VMA12: variants seen among roughly 807,000 people sequenced by gnomAD.
VMA12 encodes vacuolar ATPase assembly factor VMA12, also known as vacuolar ATPase assembly protein VMA12.
chr17:28,360,992 G>T, the VMA12 span: 1 of 891,216 alleles, frequency 1.1e-6, no homozygotes, highest in Non-Finnish European at 1.8e-6. Context: ...CTTTCCAGCA[G>T]TCACGGGAGG....
At chr17:28,357,650 T>C in the VMA12 span, 638 of 1,610,092 alleles carry the variant, frequency 4.0e-4, 4 homozygotes, top group African/African-American at 7.6e-3. Flanking sequence ...TGGGGTCACC[T>C]GACCGGAGAG....
At chr17:28,359,295 A>G in the VMA12 span, 1 of 1,613,346 alleles carries the variant, frequency 6.2e-7, no homozygotes. Flanking sequence ...CATTCTTCTC[A>G]TTTGATTTTT....
At chr17:28,362,554 T>A in the VMA12 span, 1 of 152,132 alleles carries the variant, frequency 6.6e-6, no homozygotes, top group East Asian at 1.9e-4. Flanking sequence ...ATCCCAGCAC[T>A]TTGGGAGACC....
chr17:28,359,232 C>T, the VMA12 span: 1 of 1,441,942 alleles, frequency 6.9e-7, no homozygotes, highest in South Asian at 1.2e-5. Context: ...TTTAGCAGTG[C>T]TTTACCCCTG....
the VMA12 span, chr17:28,362,002 A>T: frequency 6.6e-6 from 1 of 152,276 alleles, no homozygotes; most frequent in Non-Finnish European, 1.5e-5. Context: ...TAGAGTCTGT[A>T]TAACGCATTG....
chr17:28,361,107 G>A, the VMA12 span: 3 of 1,571,658 alleles, frequency 1.9e-6, no homozygotes, highest in East Asian at 6.7e-5. Context: ...CTGGGGTACA[G>A]AGCTGGTTGT....
At chr17:28,360,415 C>T in the VMA12 span, 1 of 977,892 alleles carries the variant, frequency 1.0e-6, no homozygotes, top group Non-Finnish European at 1.6e-6. Context: ...ACAAAAGAAT[C>T]CATGGGGAGG....
the VMA12 span, chr17:28,359,735 T>A: frequency 5.7e-6 from 1 of 175,818 alleles, no homozygotes; most frequent in Non-Finnish European, 1.2e-5. Context: ...TGAAACCCCG[T>A]CTTTACAAAA....
chr17:28,363,312 C>T, the VMA12 span: 1 of 152,092 alleles, frequency 6.6e-6, no homozygotes, highest in African/African-American at 2.4e-5. Context: ...TCTCATCTCC[C>T]CAGGGTCTTG....
At chr17:28,362,694 A>T in the VMA12 span, 1 of 152,236 alleles carries the variant, frequency 6.6e-6, no homozygotes, top group Non-Finnish European at 1.5e-5. Context: ...GCTACTCAGG[A>T]GGCTAAGGTG....
chr17:28,360,902 G>A, the VMA12 span: 1 of 1,465,060 alleles, frequency 6.8e-7, no homozygotes, highest in South Asian at 1.1e-5. Flanking sequence ...TAGTGGGTAA[G>A]GGAGGACGTA....
chr17:28,360,800 G>C, the VMA12 span: 2 of 1,613,752 alleles, frequency 1.2e-6, no homozygotes, highest in Non-Finnish European at 1.7e-6. Context: ...TGCTGCCTTC[G>C]TCTGCACTTA....
At chr17:28,358,863 C>A in the VMA12 span, 2 of 1,479,892 alleles carry the variant, frequency 1.4e-6, no homozygotes, top group African/African-American at 1.4e-5. Flanking sequence ...TTGATCTTAA[C>A]CCTTCAACCT....
At chr17:28,360,358 C>T in the VMA12 span, 6 of 615,048 alleles carry the variant, frequency 9.8e-6, no homozygotes, top group African/African-American at 7.4e-5. Context: ...TGTCCTCTCT[C>T]CGAAATGCCT....
At chr17:28,360,336 A>G in the VMA12 span, 1 of 552,878 alleles carries the variant, frequency 1.8e-6, no homozygotes, top group Non-Finnish European at 3.3e-6. Flanking sequence ...GTAGATGGGT[A>G]CTGGCAGCCT....
the VMA12 span, chr17:28,360,435 A>T: frequency 6.3e-6 from 7 of 1,112,082 alleles, no homozygotes; most frequent in South Asian, 7.7e-5. Context: ...GGCAGAGTTA[A>T]TATGTTGGGG....
At chr17:28,361,005 A>G in the VMA12 span, 1 of 897,140 alleles carries the variant, frequency 1.1e-6, no homozygotes, top group South Asian at 1.6e-5. Flanking sequence ...ACGGGAGGTT[A>G]GGTAATAACC....
chr17:28,360,709 G>A, the VMA12 span: 1 of 1,610,880 alleles, frequency 6.2e-7, no homozygotes, highest in South Asian at 1.1e-5. Flanking sequence ...TGAACTAAAG[G>A]TGCCCTCTCT....
chr17:28,361,597 A>G, the VMA12 span: 142 of 266,728 alleles, frequency 5.3e-4, 1 homozygote, highest in African/African-American at 2.8e-3. Context: ...AGGCCTTCCC[A>G]GAAGTAGACC....
Sources: gnomAD v4.1 joint callset for allele counts on GRCh38, gnomAD v4.1.1 for gene constraint, MANE v1.5 for transcripts, NCBI Gene and HGNC (gene_info 2026-07-23, HGNC 2026-07-21) for gene names.